The following TAFA5 variants were observed in gnomAD, a reference collection of about 807,000 sequenced individuals.
TAFA5 encodes the protein TAFA chemokine like family member 5.
A neutral mutation model predicts 15.3 loss-of-function variants in TAFA5; 6 were observed. That is an observed-to-expected ratio of 0.39 (90% CI 0.21 to 0.77). TAFA5 has a LOEUF of 0.77. Ranked by LOEUF, TAFA5 falls within the 30% of genes least tolerant of loss-of-function variation. The pLI is 0.41. For missense variants in TAFA5, 161 were observed against 193.1 expected, an observed-to-expected ratio of 0.83 and a Z score of 0.98; for synonymous variants, 103 against 80.7, an observed-to-expected ratio of 1.28 and a Z score of -1.48.
At chr22:48,597,073 C>T (rs1924791329) in intron 1 of TAFA5, among the ~76,000 whole-genome samples, 1 of 152,254 alleles carries the variant, frequency 6.6e-6, no homozygotes, top group South Asian at 2.1e-4. Context: ...TCCCCAAATG[C>T]TGGGATTCCA....
rs115388053 is a variant in TAFA5, at chr22:48,623,859, A to G, written c.113-22738A>G. On this transcript the variant is annotated intron_variant, in intron 1 of 3. Transcript: ENST00000402357. ...CTTGAAGGCAGTTCAGAACGTTCCC[A>G]TATACTATGCACCTACTTTTCACCT... 7.5e-3 allele frequency among the ~76,000 whole-genome samples: 1,143 copies of G among 152,366 alleles called. 11 individuals are homozygous for G. Among genetic ancestry groups the G allele is most frequent in the African/African-American group, 0.026 (1,089 of 41,592 alleles).
chr22:48,594,319 G>A (rs1924682704), intron 1 of TAFA5, among the ~76,000 whole-genome samples: 1 of 152,216 alleles, frequency 6.6e-6, no homozygotes, highest in Non-Finnish European at 1.5e-5. Flanking sequence ...GAAATGGGGG[G>A]ACCAGTGGGA....
Position 48,708,894 on chromosome 22 carries a change from G to T in TAFA5, c.390+1050G>T, listed in dbSNP as rs183376096. ...CTGAGCAGCCTCCAAGAGAGGGCTCGGCTGGGCTGTTCCGGCACTTGGTTC... is the reference window on the plus strand; with the variant it reads ...CTGAGCAGCCTCCAAGAGAGGGCTCTGCTGGGCTGTTCCGGCACTTGGTTC... On this transcript the variant is annotated intron_variant, in intron 3 of 3. Coordinates refer to ENST00000402357, the MANE Select transcript of TAFA5 (RefSeq NM_001082967.3). Among the ~76,000 whole-genome samples the T allele has an allele frequency of 8.5e-5, 13 of 152,310 alleles. 1 individual carries two copies. In the East Asian group the frequency reaches 2.5e-3, roughly 29 times the overall value.
At chr22:48,717,423 CAG>C (rs1368335618) in intron 3 of TAFA5, among the ~76,000 whole-genome samples, 1 of 152,200 alleles carries the variant, frequency 6.6e-6, no homozygotes, top group African/African-American at 2.4e-5. Context: ...GGGAAGGGGT[CAG>C]GGGACAAGAG....
chr22:48,501,928 C>T (rs1383824126), intron 1 of TAFA5, among the ~76,000 whole-genome samples: 1 of 152,178 alleles, frequency 6.6e-6, no homozygotes, highest in Admixed American at 6.5e-5. Flanking sequence ...ATGGGGTGTG[C>T]GGTCACTTCA....
chr22:48,500,269 A>C (rs57491238), intron 1 of TAFA5, among the ~76,000 whole-genome samples: 5,603 of 151,698 alleles, frequency 0.037, 353 homozygotes, highest in African/African-American at 0.13. Flanking sequence ...CCCTGACCCC[A>C]CTCCCCTGTC....
intron 1 of TAFA5, among the ~76,000 whole-genome samples, chr22:48,508,058 C>T (rs755707393): frequency 1.3e-5 from 2 of 152,114 alleles, no homozygotes; most frequent in East Asian, 1.9e-4. Flanking sequence ...CCTAGAGCCG[C>T]CCGCTTGCAG....
chr22:48,693,295 A>G, intron 2 of TAFA5: 1 of 1,603,270 alleles, frequency 6.2e-7, no homozygotes, highest in South Asian at 1.1e-5. Flanking sequence ...GCTCCCAGAA[A>G]TTTGCCCTAA....
chr22:48,491,177 T>G (rs552599652), intron 1 of TAFA5, among the ~76,000 whole-genome samples: 1 of 152,014 alleles, frequency 6.6e-6, no homozygotes, highest in East Asian at 1.9e-4. Flanking sequence ...GGGAGCAGGG[T>G]CTGGGGGTTT....
intron 1 of TAFA5, among the ~76,000 whole-genome samples, chr22:48,567,152 G>A (rs1466215299): frequency 1.3e-5 from 2 of 152,212 alleles, no homozygotes; most frequent in Admixed American, 1.3e-4. Flanking sequence ...TAGGATAGTT[G>A]AACAGGAAAT....
At chr22:48,517,092 A>G (rs1376071152) in intron 1 of TAFA5, among the ~76,000 whole-genome samples, 12 of 152,208 alleles carry the variant, frequency 7.9e-5, no homozygotes, top group African/African-American at 2.6e-4. Context: ...CCCCGTGCCT[A>G]TGAAGCAATC....
At chr22:48,583,128 G>GCCACACACACACCACACA (rs1924151414) in intron 1 of TAFA5, among the ~76,000 whole-genome samples, 1 of 58,442 alleles carries the variant, frequency 1.7e-5, no homozygotes, top group African/African-American at 6.9e-5. Context: ...CACATCACAC[G>GCCACACACACACCACACA]CCACACACAC....
At chr22:48,498,533 C>G (rs1920937369) in intron 1 of TAFA5, among the ~76,000 whole-genome samples, 1 of 152,106 alleles carries the variant, frequency 6.6e-6, no homozygotes, top group Admixed American at 6.5e-5. Context: ...TCCTTTTGGC[C>G]TCTTTTTCTG....
At chr22:48,665,999 T>C (rs1308494184) in intron 2 of TAFA5, among the ~76,000 whole-genome samples, 2 of 149,414 alleles carry the variant, frequency 1.3e-5, no homozygotes, top group South Asian at 4.3e-4. Flanking sequence ...ACCCCTCCCA[T>C]GGGAACGAGG....
chr22:48,520,256 G>T (rs1921557223), intron 1 of TAFA5, among the ~76,000 whole-genome samples: 1 of 152,238 alleles, frequency 6.6e-6, no homozygotes, highest in South Asian at 2.1e-4. Context: ...TGAGATGCCG[G>T]GTTTGTGGGA....
At chr22:48,508,046 C>T (rs1921067610) in intron 1 of TAFA5, among the ~76,000 whole-genome samples, 1 of 152,098 alleles carries the variant, frequency 6.6e-6, no homozygotes, top group East Asian at 1.9e-4. Context: ...TGTCACTCGG[C>T]CCCTAGAGCC....
chr22:48,584,597 C>T (rs1049487796), intron 1 of TAFA5, among the ~76,000 whole-genome samples: 1 of 149,030 alleles, frequency 6.7e-6, no homozygotes, highest in African/African-American at 2.5e-5. Context: ...ACCTCACACA[C>T]ACCACACCAC....
intron 2 of TAFA5, among the ~76,000 whole-genome samples, chr22:48,650,284 C>G (rs1569064082): frequency 6.6e-6 from 1 of 152,206 alleles, no homozygotes; most frequent in Non-Finnish European, 1.5e-5. Context: ...ACTGTGCTCA[C>G]TTGTCCATTG....
intron 1 of TAFA5, among the ~76,000 whole-genome samples, chr22:48,512,631 AGAGAGACGGCCGG>A (rs1921256993): frequency 6.7e-6 from 1 of 149,986 alleles, no homozygotes; most frequent in Admixed American, 6.6e-5. Flanking sequence ...GTCTCAAAAG[AGAGAGACGGCCGG>A]GCGCGGTGGC....
Sources: allele counts gnomAD v4.1 joint callset (sites outside exome capture counted in the v4.1 genomes callset), GRCh38; gene constraint gnomAD v4.1.1; transcripts MANE v1.5; gene names NCBI Gene and HGNC (gene_info 2026-07-23, HGNC 2026-07-21).